ZC3HAV1L: variants seen among roughly 807,000 people sequenced by gnomAD.
ZC3HAV1L encodes the protein zinc finger CCCH-type antiviral protein 1-like.
ZC3HAV1L carries 23 observed loss-of-function variants against 28.2 expected under a neutral mutation model. The observed-to-expected ratio is 0.82, with a 90% CI of 0.59 to 1.16. ZC3HAV1L has a LOEUF of 1.16. ZC3HAV1L is among the 50% of genes most tolerant of loss of function. The probability of loss-of-function intolerance (pLI) is 0.00; values close to 1 mark genes in which losing one functional copy is unlikely to be tolerated. For missense variants in ZC3HAV1L, 376 were observed against 387.7 expected, an observed-to-expected ratio of 0.97 and a Z score of 0.25; for synonymous variants, 180 against 163.4, an observed-to-expected ratio of 1.10 and a Z score of -0.78.
At chr7:139,035,552 C>G (rs1004546691) in intron 1 of ZC3HAV1L, 101 bp downstream of exon 1, 14 of 1,326,622 alleles carry the variant, frequency 1.1e-5, no homozygotes, top group African/African-American at 4.6e-5. Context: ...GTCCCCGGCC[C>G]GGGGCAGGAC....
downstream of ZC3HAV1L, chr7:139,022,532 G>A: frequency 9.5e-6 from 2 of 211,582 alleles, no homozygotes; most frequent in South Asian, 5.8e-5. Context: ...GCAACAGAGT[G>A]AGACCCTGTC....
intron 2 of ZC3HAV1L, among the ~76,000 whole-genome samples, chr7:139,031,284 C>CA (rs1370777421): frequency 1.3e-5 from 2 of 152,132 alleles, no homozygotes; most frequent in South Asian, 2.1e-4. Flanking sequence ...TCTGTCTCTA[C>CA]AGAAAAATTT....
At chr7:139,031,808 G>A (rs1267549267) in intron 2 of ZC3HAV1L, among the ~76,000 whole-genome samples, 4 of 151,984 alleles carry the variant, frequency 2.6e-5, no homozygotes, top group Admixed American at 2.6e-4. Flanking sequence ...GGGAGGCTGA[G>A]GCAGGAGAAT....
In ZC3HAV1L at chr7:139,035,742, GGCGCAGAGGC is replaced by G. The variant is rs1452064658; in HGVS notation, c.266_275del (p.Arg89ProfsTer49). The G allele has an allele frequency of 6.7e-7, 1 of 1,489,410 alleles. No homozygotes were observed. Among genetic ancestry groups the G allele is most frequent in the East Asian group, 2.9e-5 (1 of 34,920 alleles). The allele number at this position is 1,489,410 out of a possible 1,614,324, so 92.3% of individuals were successfully genotyped here. On this transcript the variant is annotated frameshift_variant, in exon 1 of 5. Transcript: ENST00000275766. LOFTEE classifies it high-confidence loss of function. ...CCTGGCACTCGCCGCGCTGGTAGCG[GGCGCAGAGGC>G]GCACAGAGGACACGGCCACCACCCT...
Position 139,026,408 on chromosome 7 carries a change from C to T in ZC3HAV1L, c.*136G>A, listed in dbSNP as rs551368712. 3.2e-5 allele frequency: 45 copies of T among 1,397,186 alleles called. No homozygotes were observed. The Middle Eastern group carries it at 1.8e-3, about 57-fold the overall frequency. The allele number at this position is 1,397,186 out of a possible 1,614,324, so 86.5% of individuals were successfully genotyped here. On this transcript the variant is annotated 3_prime_UTR_variant, in exon 5 of 5. Transcript: ENST00000275766. ...AGCTGCAGATAGCAGCTGCCATCTT[C>T]AGCACTTGCCCTGGACTAGCCCCAT...
At chr7:139,034,842 A>T (rs1315921490) in intron 1 of ZC3HAV1L, 164 bp from the exon 2 acceptor site, 1 of 985,166 alleles carries the variant, frequency 1.0e-6, no homozygotes, top group Non-Finnish European at 1.2e-6. Flanking sequence ...AAAATAAGAA[A>T]ATTGGGTTGA....
intron 2 of ZC3HAV1L, among the ~76,000 whole-genome samples, chr7:139,032,951 T>TA (rs1349115123): frequency 6.6e-6 from 1 of 152,214 alleles, no homozygotes; most frequent in East Asian, 1.9e-4. Flanking sequence ...CTCACGCCTG[T>TA]AATCCCAGCA....
chr7:139,034,223 T>C, intron 2 of ZC3HAV1L: 1 of 968,788 alleles, frequency 1.0e-6, no homozygotes, highest in Non-Finnish European at 1.2e-6. Context: ...ATCCCTCTTC[T>C]GGCCAAGTGG....
chr7:139,032,871 C>T (rs1403376584), intron 2 of ZC3HAV1L, among the ~76,000 whole-genome samples: 2 of 151,978 alleles, frequency 1.3e-5, no homozygotes, highest in Non-Finnish European at 2.9e-5. Context: ...TTGTCAACTA[C>T]ACTTCAATAA....
chr7:139,035,592 C>T, intron 1 of ZC3HAV1L, 61 bp downstream of exon 1: 2 of 1,344,714 alleles, frequency 1.5e-6, no homozygotes, highest in East Asian at 3.1e-5. Flanking sequence ...CTCCCGCTTC[C>T]AGCAGGACGG....
At chr7:139,028,333 A>C (rs1037854122) in intron 3 of ZC3HAV1L, among the ~76,000 whole-genome samples, 8 of 149,108 alleles carry the variant, frequency 5.4e-5, no homozygotes, top group Non-Finnish European at 1.2e-4. Context: ...CGATCGCGCC[A>C]CTGCACTCTA....
chr7:139,035,133 G>A (rs975817856), intron 1 of ZC3HAV1L: 4 of 985,348 alleles, frequency 4.1e-6, no homozygotes, highest in Non-Finnish European at 4.8e-6. Flanking sequence ...CTGGCAGTCA[G>A]GAACCACAGG....
In ZC3HAV1L at chr7:139,036,023, C is replaced by G; in HGVS notation, c.-6G>C. On this transcript the variant is annotated 5_prime_UTR_variant, in exon 1 of 5. Transcript: ENST00000275766. The stretch of plus-strand genomic sequence containing the variant: ...CACACTGTGGGCTCCGCCATGGTCG[C>G]TGGCGCGGGCCCTGTGCGCGCGGCG... 1.3e-6 allele frequency: 2 copies of G among 1,500,076 alleles called. No homozygotes were observed. The highest frequency in any genetic ancestry group is 1.8e-6 in the Non-Finnish European group (2 of 1,132,668). The allele number at this position is 1,500,076 out of a possible 1,614,324, so 92.9% of individuals were successfully genotyped here.
intron 1 of ZC3HAV1L, chr7:139,035,167 T>C (rs1047426493): frequency 2.0e-6 from 2 of 985,404 alleles, no homozygotes; most frequent in African/African-American, 1.7e-5. Flanking sequence ...CATCCAGCCC[T>C]GTTTCCTGGG....
At position 139,026,489 on chromosome 7, in the gene ZC3HAV1L, C is replaced by T; in HGVS notation, c.*55G>A. On this transcript the variant is annotated 3_prime_UTR_variant, in exon 5 of 5. Coordinates refer to ENST00000275766, the MANE Select transcript of ZC3HAV1L (RefSeq NM_080660.4). ...TTCAATGTCCCACCCCATCCCCAACCACCCATGCCCAAATGTATTCTTCCA... is the reference window on the plus strand; with the variant it reads ...TTCAATGTCCCACCCCATCCCCAACTACCCATGCCCAAATGTATTCTTCCA... 1 of 1,608,736 alleles carries T rather than the reference C, an allele frequency of 6.2e-7. No homozygotes were observed. The highest frequency in any genetic ancestry group is 8.5e-7 in the Non-Finnish European group (1 of 1,178,722).
At position 139,035,104 on chromosome 7, in the gene ZC3HAV1L, G is replaced by T. The variant is rs1046161173; in HGVS notation, c.366-426C>A. 4.1e-6 allele frequency: 4 copies of T among 985,314 alleles called. No individual in the cohort carries two copies. The Admixed American group carries it at 2.5e-4, about 61-fold the overall frequency. The allele number at this position is 985,314 out of a possible 1,614,324, so 61.0% of individuals were successfully genotyped here. A position where few individuals can be genotyped will look rare whatever the true frequency, so the allele number is the denominator to read the frequency against. ...GTGAAGCACAGCCTGGGGTCAGGAG[G>T]CAGCCCCGAACCCCAGCTCTGGCAG... On this transcript the variant is annotated intron_variant, in intron 1 of 4. Transcript: ENST00000275766.
intron 2 of ZC3HAV1L, among the ~76,000 whole-genome samples, chr7:139,031,454 C>T (rs1563115218): frequency 6.6e-6 from 1 of 152,180 alleles, no homozygotes; most frequent in African/African-American, 2.4e-5. Flanking sequence ...GGCATGGTGG[C>T]ACTTGCTTGC....
intron 3 of ZC3HAV1L, 118 bp downstream of exon 3, chr7:139,028,584 A>T: frequency 7.6e-7 from 1 of 1,322,876 alleles, no homozygotes; most frequent in Non-Finnish European, 1.0e-6. Context: ...AGATGAAATT[A>T]ACATAGGAAC....
At chr7:139,035,627 G>C in intron 1 of ZC3HAV1L, 26 bp downstream of exon 1, 1 of 1,384,574 alleles carries the variant, frequency 7.2e-7, no homozygotes, top group Non-Finnish European at 9.3e-7. Context: ...AGCGCCCACA[G>C]TCCCCGCCCG....
Sources: allele counts gnomAD v4.1 joint callset (sites outside exome capture counted in the v4.1 genomes callset), GRCh38; gene constraint gnomAD v4.1.1; transcripts MANE v1.5; gene names NCBI Gene and HGNC (gene_info 2026-07-23, HGNC 2026-07-21).